The following DDX60 variants were observed in gnomAD, a reference collection of about 807,000 sequenced individuals.
The protein encoded by DDX60 is DExD/H-box helicase 60.
A neutral mutation model predicts 212.8 loss-of-function variants in DDX60; 165 were observed. The observed-to-expected ratio is 0.78, with a 90% CI of 0.68 to 0.88. The LOEUF (loss-of-function observed/expected upper bound fraction) is 0.88, where lower values mean the gene tolerates loss of function less well. Among genes scored for constraint, DDX60 ranks in the 40% least tolerant of loss-of-function variants. The probability of loss-of-function intolerance (pLI) is 0.00; values close to 1 mark genes in which losing one functional copy is unlikely to be tolerated. For missense variants in DDX60, 1,905 were observed against 2,003.9 expected, an observed-to-expected ratio of 0.95 and a Z score of 0.94; for synonymous variants, 703 against 685.3, an observed-to-expected ratio of 1.03 and a Z score of -0.40.
chr4:168,274,948 G>T (rs757538677), intron 16 of DDX60, among the ~76,000 whole-genome samples: 1 of 152,120 alleles, frequency 6.6e-6, no homozygotes, highest in Non-Finnish European at 1.5e-5. Flanking sequence ...CTACTATGGT[G>T]ACAGATGCAA....
Position 168,306,735 on chromosome 4 carries a change from G to A in DDX60, c.265-15C>T. ...TACTCGGCATCCTGTGGAGGAGGAG[G>A]TGAAGTACATTTTATTTCAAAATTA... On this transcript the variant is annotated splice_polypyrimidine_tract_variant and intron_variant, in intron 4 of 37. Transcript: ENST00000393743. The A allele has an allele frequency of 6.4e-7, 1 of 1,566,368 alleles. No individual in the cohort carries two copies. Among genetic ancestry groups the A allele is most frequent in the Non-Finnish European group, 8.7e-7 (1 of 1,144,406 alleles).
At chr4:168,305,441 T>C (rs1736834139) in intron 5 of DDX60, among the ~76,000 whole-genome samples, 1 of 152,144 alleles carries the variant, frequency 6.6e-6, no homozygotes, top group Admixed American at 6.5e-5. Context: ...GGCCCTCATA[T>C]TCACAATTCA....
chr4:168,255,568 C>T, intron 26 of DDX60, 143 bp downstream of exon 26: 1 of 638,228 alleles, frequency 1.6e-6, no homozygotes. Context: ...ATCCCATTCT[C>T]TCACCCAAAT....
At chr4:168,238,631 C>T (rs1042199807) in intron 30 of DDX60, among the ~76,000 whole-genome samples, 2 of 151,950 alleles carry the variant, frequency 1.3e-5, no homozygotes, top group African/African-American at 2.4e-5. Flanking sequence ...TTTTTGCAAC[C>T]TCTTCGCTCT....
intron 8 of DDX60, among the ~76,000 whole-genome samples, chr4:168,290,651 C>T (rs561691291): frequency 1.2e-4 from 19 of 152,088 alleles, no homozygotes; most frequent in East Asian, 5.8e-4. Context: ...CCACCGCGGC[C>T]GGCCTGTCTT....
intron 29 of DDX60, among the ~76,000 whole-genome samples, chr4:168,247,381 A>T (rs1288312582): frequency 6.6e-6 from 1 of 152,178 alleles, no homozygotes; most frequent in Non-Finnish European, 1.5e-5. Flanking sequence ...GCAGCAATAG[A>T]AATAAAAAGC....
chr4:168,233,915 T>C (rs1019209402), intron 33 of DDX60, among the ~76,000 whole-genome samples: 1 of 152,076 alleles, frequency 6.6e-6, no homozygotes, highest in African/African-American at 2.4e-5. Context: ...ATCTTTGATA[T>C]AAGTATAAAA....
chr4:168,233,696 T>TG (rs1204220708), intron 33 of DDX60, among the ~76,000 whole-genome samples: 1 of 152,070 alleles, frequency 6.6e-6, no homozygotes, highest in African/African-American at 2.4e-5. Flanking sequence ...CAATGGACTT[T>TG]GGGGACCCAT....
rs372186491 is a variant in DDX60, at chr4:168,255,694, T to C, written c.3557+17A>G. The C allele has an allele frequency of 5.1e-6, 8 of 1,565,376 alleles. No individual in the cohort carries two copies. The African/African-American group carries it at 7.0e-5, about 14-fold the overall frequency. ...TTTTAACCCTCTACTTATCAATTTGTTTAGTTAACTACTTACATGATCTTT... is the reference window on the plus strand; with the variant it reads ...TTTTAACCCTCTACTTATCAATTTGCTTAGTTAACTACTTACATGATCTTT... On this transcript the variant is annotated intron_variant, in intron 26 of 37. Transcript: ENST00000393743.
chr4:168,297,322 GAA>G (rs1736411369), intron 6 of DDX60, among the ~76,000 whole-genome samples: 1 of 58,032 alleles, frequency 1.7e-5, no homozygotes, highest in African/African-American at 1.8e-4. Flanking sequence ...AAGAAAGAAA[GAA>G]AGAAAGAAAG....
chr4:168,290,529 C>T lies in DDX60; in HGVS notation c.1041+1219G>A, dbSNP rs140446319. ...TTTTTTGGTATATTTTTAGTAGAGA[C>T]GGGGTTTCACCATGTTAGCCAGGAT... is the stretch of plus-strand genomic sequence containing the variant. On this transcript the variant is annotated intron_variant, in intron 8 of 37. Coordinates refer to ENST00000393743, the MANE Select transcript of DDX60 (RefSeq NM_017631.6). 4.7e-4 allele frequency among the ~76,000 whole-genome samples: 71 copies of T among 151,742 alleles called. No homozygotes were observed. In the East Asian group the frequency reaches 0.011, roughly 23 times the overall value.
At chr4:168,246,980 C>T (rs1024294844) in intron 29 of DDX60, among the ~76,000 whole-genome samples, 1 of 152,170 alleles carries the variant, frequency 6.6e-6, no homozygotes, top group Non-Finnish European at 1.5e-5. Flanking sequence ...CTCTCCCGGC[C>T]CATCTTCCCC....
the DDX60 span, among the ~76,000 whole-genome samples, chr4:168,325,002 G>A: frequency 0.13 from 19,047 of 152,180 alleles, 2,126 homozygotes; most frequent in African/African-American, 0.31. Flanking sequence ...AATACACACC[G>A]AACAGAAAAT....
In DDX60 at chr4:168,248,693, C is replaced by G. The variant is rs115962019; in HGVS notation, c.3859-401G>C. ...TTGTTCACTTGTCTTATACCAGACT[C>G]CAAGCAAGATTCATTATTGTATCCA... On this transcript the variant is annotated intron_variant, in intron 28 of 37. Coordinates refer to ENST00000393743, the MANE Select transcript of DDX60 (RefSeq NM_017631.6). Among the ~76,000 whole-genome samples the G allele has an allele frequency of 4.0e-3, 612 of 152,200 alleles. 3 individuals carry two copies. The highest frequency in any genetic ancestry group is 9.4e-3 in the Admixed American group (144 of 15,292).
intron 25 of DDX60, among the ~76,000 whole-genome samples, chr4:168,256,797 T>C (rs1011141993): frequency 9.2e-5 from 14 of 152,344 alleles, no homozygotes; most frequent in South Asian, 2.1e-4. Context: ...TAGCTTATTA[T>C]AGCAAGTCAT....
In DDX60 at chr4:168,286,457, T is replaced by TAGATAGATAC. The variant is rs759142577; in HGVS notation, c.1339+590_1339+591insGTATCTATCT. Among the ~76,000 whole-genome samples, 97 of 134,082 alleles carry TAGATAGATAC rather than the reference T, an allele frequency of 7.2e-4. 1 individual carries two copies. In the East Asian group the frequency reaches 8.5e-3, roughly 12 times the overall value. The allele number at this position is 134,082 out of a possible 152,430, so 88.0% of individuals were successfully genotyped here. On this transcript the variant is annotated intron_variant, in intron 10 of 37. Coordinates refer to ENST00000393743, the MANE Select transcript of DDX60 (RefSeq NM_017631.6). ...AGATAGATAGATAGATAGATAGATA[T>TAGATAGATAC]TACATATCAAGTATATTATGATAAT...
At chr4:168,279,058 C>G (rs962009757) in intron 14 of DDX60, among the ~76,000 whole-genome samples, 8 of 152,120 alleles carry the variant, frequency 5.3e-5, no homozygotes, top group African/African-American at 1.9e-4. Flanking sequence ...CATGGAAGGA[C>G]AGAGTAACCC....
chr4:168,304,684 G>A (rs1736800117), intron 5 of DDX60, among the ~76,000 whole-genome samples: 1 of 152,134 alleles, frequency 6.6e-6, no homozygotes, highest in Admixed American at 6.5e-5. Context: ...CTGAGTGACA[G>A]AGTGAAGACA....
At chr4:168,218,993 T>C (rs949883354) in intron 37 of DDX60, among the ~76,000 whole-genome samples, 1 of 152,034 alleles carries the variant, frequency 6.6e-6, no homozygotes, top group Non-Finnish European at 1.5e-5. Context: ...AATTTAATGA[T>C]CCTTTGGCCA....
Sources: gnomAD v4.1 joint callset for allele counts (sites outside exome capture counted in the v4.1 genomes callset) on GRCh38, gnomAD v4.1.1 for gene constraint, MANE v1.5 for transcripts, NCBI Gene and HGNC (gene_info 2026-07-23, HGNC 2026-07-21) for gene names.